The following PPP2R2B variants were observed in gnomAD, a reference collection of about 807,000 sequenced individuals.
PPP2R2B encodes protein phosphatase 2 regulatory subunit Bbeta, also known as serine/threonine-protein phosphatase 2A 55 kDa regulatory subunit B beta isoform.
PPP2R2B carries 5 observed loss-of-function variants against 46.0 expected under a neutral mutation model. The observed-to-expected ratio is 0.11, with a 90% CI of 0.06 to 0.23. The LOEUF (loss-of-function observed/expected upper bound fraction) is 0.23, where lower values mean the gene tolerates loss of function less well. Among genes scored for constraint, PPP2R2B ranks in the 10% least tolerant of loss-of-function variants. The pLI is 1.00. For missense variants in PPP2R2B, 367 were observed against 575.0 expected, an observed-to-expected ratio of 0.64 and a Z score of 3.70; for synonymous variants, 215 against 206.7, an observed-to-expected ratio of 1.04 and a Z score of -0.34.
At chr5:146,722,505 G>T (rs1472895271) in intron 2 of PPP2R2B, among the ~76,000 whole-genome samples, 2 of 152,158 alleles carry the variant, frequency 1.3e-5, no homozygotes, top group African/African-American at 4.8e-5. Flanking sequence ...AGAAGGCATA[G>T]CCTGGCTGCT....
intron 2 of PPP2R2B, among the ~76,000 whole-genome samples, chr5:146,735,786 GCAGCAGGATCCTACC>G (rs770501674): frequency 2.6e-5 from 4 of 152,148 alleles, no homozygotes; most frequent in Non-Finnish European, 5.9e-5. Context: ...CAGAGATATA[GCAGCAGGATCCTACC>G]TGATGACACT....
chr5:146,773,114 G>C (rs547323013), intron 2 of PPP2R2B, among the ~76,000 whole-genome samples: 1 of 152,282 alleles, frequency 6.6e-6, no homozygotes, highest in Admixed American at 6.5e-5. Context: ...AGTTAATCCA[G>C]TAATGCATTT....
At chr5:146,874,393 T>C (rs1487474191) in intron 2 of PPP2R2B, among the ~76,000 whole-genome samples, 1 of 152,224 alleles carries the variant, frequency 6.6e-6, no homozygotes, top group African/African-American at 2.4e-5. Flanking sequence ...AAGACAGTTT[T>C]TTAAAAAGGC....
At chr5:147,008,591 G>C (rs1006591912) in intron 1 of PPP2R2B, among the ~76,000 whole-genome samples, 1 of 152,060 alleles carries the variant, frequency 6.6e-6, no homozygotes, top group South Asian at 2.1e-4. Flanking sequence ...GGGCTTCCAT[G>C]CTTCTTCATA....
At chr5:146,762,122 C>T (rs1284198839) in intron 2 of PPP2R2B, among the ~76,000 whole-genome samples, 1 of 152,188 alleles carries the variant, frequency 6.6e-6, no homozygotes, top group Non-Finnish European at 1.5e-5. Flanking sequence ...TGATTTCATA[C>T]AACATGCTCT....
At chr5:147,018,043 GCACACACACACACACACACACA>G (rs60161356) in intron 1 of PPP2R2B, among the ~76,000 whole-genome samples, 1 of 48,246 alleles carries the variant, frequency 2.1e-5, no homozygotes, top group African/African-American at 1.3e-4. Flanking sequence ...GCATGCGCGC[GCACACACACACACACACACACA>G]CACACACACA....
At chr5:146,906,602 G>A (rs1307615775) in intron 1 of PPP2R2B, among the ~76,000 whole-genome samples, 5 of 152,194 alleles carry the variant, frequency 3.3e-5, no homozygotes, top group Middle Eastern at 3.2e-3. Flanking sequence ...GATTACAGGC[G>A]TGAGCCACCG....
At position 146,699,431 on chromosome 5, in the gene PPP2R2B, C is replaced by T. The variant is rs141492627; in HGVS notation, c.169-1287G>A. Among the ~76,000 whole-genome samples, 1,076 of 152,324 alleles carry T rather than the reference C, an allele frequency of 7.1e-3. 17 individuals carry two copies. Among genetic ancestry groups the T allele is most frequent in the African/African-American group, 0.024 (1,012 of 41,580 alleles). ...CTTAACTGCAGGTTCTTTATCCTCACTGACATTTATTTTTTATTGAACAAA... is the reference window on the plus strand; with the variant it reads ...CTTAACTGCAGGTTCTTTATCCTCATTGACATTTATTTTTTATTGAACAAA... On this transcript the variant is annotated intron_variant, in intron 3 of 9. Coordinates refer to ENST00000394411, the MANE Select transcript of PPP2R2B (RefSeq NM_181675.4).
At chr5:147,048,315 C>T (rs1756634361) in intron 1 of PPP2R2B, among the ~76,000 whole-genome samples, 4 of 152,138 alleles carry the variant, frequency 2.6e-5, no homozygotes, top group African/African-American at 9.7e-5. Flanking sequence ...CCTGATCTAT[C>T]ACATTTTGGC....
chr5:146,952,263 A>G (rs950452835), intron 1 of PPP2R2B, among the ~76,000 whole-genome samples: 8 of 152,062 alleles, frequency 5.3e-5, no homozygotes, highest in African/African-American at 1.4e-4. Context: ...ATTACAAACC[A>G]AGATAAACAA....
At chr5:146,973,259 A>G (rs920239831) in intron 1 of PPP2R2B, among the ~76,000 whole-genome samples, 1 of 152,230 alleles carries the variant, frequency 6.6e-6, no homozygotes, top group Non-Finnish European at 1.5e-5. Flanking sequence ...ATTTTGCCGG[A>G]AAAATGTGTA....
At chr5:146,727,606 C>G (rs549827219) in intron 2 of PPP2R2B, among the ~76,000 whole-genome samples, 10 of 151,864 alleles carry the variant, frequency 6.6e-5, no homozygotes, top group African/African-American at 2.4e-4. Context: ...AGTAACAGCC[C>G]GGACTTCACC....
At chr5:147,056,364 A>G (rs552036348), upstream of PPP2R2B, among the ~76,000 whole-genome samples, 1 of 152,312 alleles carries the variant, frequency 6.6e-6, no homozygotes, top group East Asian at 1.9e-4. Context: ...CAATAGGACC[A>G]TTTATCATTT....
At chr5:146,939,791 G>C (rs910625888) in intron 1 of PPP2R2B, among the ~76,000 whole-genome samples, 8 of 152,034 alleles carry the variant, frequency 5.3e-5, no homozygotes, top group African/African-American at 1.7e-4. Flanking sequence ...TTATATTTAT[G>C]TATAGCTTGC....
chr5:146,878,767 TGGAG>T (rs1407210582), upstream of PPP2R2B: 76 of 922,470 alleles, frequency 8.2e-5, no homozygotes, highest in South Asian at 4.1e-4. This position sits in a 1 kb window ranked among gnomAD's most constrained non-coding sequence, Gnocchi z 4.5. Context: ...TGCAGGAGGC[TGGAG>T]GCGGCTGGTG....
intron 2 of PPP2R2B, among the ~76,000 whole-genome samples, chr5:146,708,429 G>A (rs925600487): frequency 6.6e-5 from 10 of 151,182 alleles, no homozygotes; most frequent in Admixed American, 1.3e-4. Flanking sequence ...GTGTGTGTGT[G>A]TGTGTGTGTG....
chr5:146,685,388 G>A (rs891029885), intron 5 of PPP2R2B, among the ~76,000 whole-genome samples: 5 of 152,218 alleles, frequency 3.3e-5, no homozygotes, highest in Admixed American at 6.5e-5. Context: ...AAACAACTGC[G>A]CCCCAAGCCT....
At chr5:147,037,166 A>AG (rs1756080408) in intron 1 of PPP2R2B, among the ~76,000 whole-genome samples, 1 of 150,982 alleles carries the variant, frequency 6.6e-6, no homozygotes, top group Non-Finnish European at 1.5e-5. Context: ...AGGGAAAAAA[A>AG]ATTATTTTTG....
chr5:146,716,078 G>A (rs1445663536), intron 2 of PPP2R2B, among the ~76,000 whole-genome samples: 1 of 151,896 alleles, frequency 6.6e-6, no homozygotes, highest in Non-Finnish European at 1.5e-5. Context: ...TGTCCCTTGT[G>A]GGCAGGATCT....
Sources: gnomAD v4.1 joint callset for allele counts (sites outside exome capture counted in the v4.1 genomes callset) on GRCh38, gnomAD v4.1.1 for gene constraint, Gnocchi (gnomAD v3.1) non-coding constraint, MANE v1.5 for transcripts, NCBI Gene and HGNC (gene_info 2026-07-23, HGNC 2026-07-21) for gene names.